The following NKAIN3 variants were observed in gnomAD, a reference collection of about 807,000 sequenced individuals.
NKAIN3 encodes the protein sodium/potassium transporting ATPase interacting 3, also known as sodium/potassium-transporting ATPase subunit beta-1-interacting protein 3.
NKAIN3 carries 25 observed loss-of-function variants against 30.2 expected under a neutral mutation model. That is an observed-to-expected ratio of 0.83 (90% CI 0.60 to 1.16). The LOEUF (loss-of-function observed/expected upper bound fraction) is 1.16. Ranked by LOEUF, NKAIN3 falls within the 50% of genes most tolerant of loss-of-function variation. The pLI is 0.00. For synonymous variants in NKAIN3, 91 were observed against 89.6 expected, an observed-to-expected ratio of 1.02 and a Z score of -0.09; for missense variants, 225 against 254.1, an observed-to-expected ratio of 0.89 and a Z score of 0.78.
At chr8:62,307,307 A>C (rs1253135119) in intron 1 of NKAIN3, among the ~76,000 whole-genome samples, 2 of 148,696 alleles carry the variant, frequency 1.3e-5, no homozygotes, top group African/African-American at 5.1e-5. Flanking sequence ...AATGGAAATC[A>C]AGCCAAAATT....
At chr8:62,848,291 T>C (rs1819754435) in intron 4 of NKAIN3, among the ~76,000 whole-genome samples, 1 of 152,236 alleles carries the variant, frequency 6.6e-6, no homozygotes, top group Non-Finnish European at 1.5e-5. Context: ...ACGATATTGA[T>C]TCTATCCACG....
Position 62,984,637 on chromosome 8 carries a change from T to C in NKAIN3, c.*19230T>C, listed in dbSNP as rs1488507750. 6.6e-6 allele frequency: 1 copy of C among 152,238 alleles called. No individual in the cohort carries two copies. The highest frequency in any genetic ancestry group is 1.5e-5 in the Non-Finnish European group (1 of 68,038). 9.4% of individuals were successfully genotyped at this position (152,238 alleles called of 1,614,324 possible). On this transcript the variant is annotated 3_prime_UTR_variant, in exon 7 of 7. Coordinates refer to ENST00000623646, the MANE Select transcript of NKAIN3 (RefSeq NM_001304533.3). ...GCCTATCAGGAGCTATCTTATATGA[T>C]GTTGGTAGCCTGTGAAAAAATAAAT...
intron 3 of NKAIN3, among the ~76,000 whole-genome samples, chr8:62,600,473 C>A (rs111614154): frequency 0.02 from 3,105 of 152,038 alleles, 103 homozygotes; most frequent in African/African-American, 0.071. Context: ...ACATTAGTAT[C>A]TTTATTTTAT....
At chr8:62,319,782 G>A (rs968109927) in intron 1 of NKAIN3, among the ~76,000 whole-genome samples, 4 of 152,198 alleles carry the variant, frequency 2.6e-5, no homozygotes, top group African/African-American at 9.7e-5. Context: ...TAAGTGCAGT[G>A]TGGTGCTGAG....
At chr8:62,429,986 C>T (rs546006775) in intron 1 of NKAIN3, among the ~76,000 whole-genome samples, 1 of 151,830 alleles carries the variant, frequency 6.6e-6, no homozygotes, top group Non-Finnish European at 1.5e-5. Flanking sequence ...ACCCATTGAA[C>T]ATTAACTTTC....
chr8:62,526,080 A>G (rs958228450), intron 1 of NKAIN3, among the ~76,000 whole-genome samples: 1 of 152,144 alleles, frequency 6.6e-6, no homozygotes, highest in Admixed American at 6.6e-5. Context: ...TTGATAATTT[A>G]CAGTGGAGCA....
chr8:62,446,592 T>G (rs1805492621), intron 1 of NKAIN3, among the ~76,000 whole-genome samples: 1 of 152,086 alleles, frequency 6.6e-6, no homozygotes, highest in African/African-American at 2.4e-5. Flanking sequence ...AAACTGAAAC[T>G]CTATGTCCAT....
intron 3 of NKAIN3, among the ~76,000 whole-genome samples, chr8:62,738,224 G>A (rs1198167030): frequency 6.6e-6 from 1 of 152,094 alleles, no homozygotes; most frequent in Non-Finnish European, 1.5e-5. Flanking sequence ...GGTGTGAGAT[G>A]GTATCTCATT....
intron 4 of NKAIN3, among the ~76,000 whole-genome samples, chr8:62,772,118 T>C (rs1817033198): frequency 6.6e-6 from 1 of 152,194 alleles, no homozygotes; most frequent in African/African-American, 2.4e-5. Flanking sequence ...ATAAATTCAA[T>C]TGTTTTAAAT....
intron 1 of NKAIN3, among the ~76,000 whole-genome samples, chr8:62,321,240 T>A (rs1814887804): frequency 6.6e-6 from 1 of 152,202 alleles, no homozygotes. Flanking sequence ...TCATCTAATT[T>A]TTTTTCAAAG....
intron 1 of NKAIN3, among the ~76,000 whole-genome samples, chr8:62,258,717 T>TTAAAAA (rs1270440437): frequency 2.0e-5 from 3 of 151,812 alleles, no homozygotes; most frequent in African/African-American, 4.8e-5. Flanking sequence ...AAATCATTCG[T>TTAAAAA]TAAAAATAAA....
At chr8:62,316,813 C>A (rs1257339703) in intron 1 of NKAIN3, among the ~76,000 whole-genome samples, 1 of 152,114 alleles carries the variant, frequency 6.6e-6, no homozygotes, top group Non-Finnish European at 1.5e-5. Flanking sequence ...ATGGCTGGGT[C>A]AAATGGTATT....
chr8:62,778,989 G>A (rs1185570045), intron 4 of NKAIN3, among the ~76,000 whole-genome samples: 2 of 152,040 alleles, frequency 1.3e-5, no homozygotes, highest in Admixed American at 6.6e-5. Flanking sequence ...GGCCCAGTGT[G>A]TCCAGAGATG....
intron 1 of NKAIN3, among the ~76,000 whole-genome samples, chr8:62,446,265 C>T (rs13265808): frequency 0.42 from 64,005 of 151,818 alleles, 15,328 homozygotes; most frequent in Non-Finnish European, 0.53. Context: ...TGATCAGACA[C>T]GATTATAACA....
chr8:62,769,384 C>T (rs1170152740), intron 4 of NKAIN3, among the ~76,000 whole-genome samples: 1 of 152,190 alleles, frequency 6.6e-6, no homozygotes, highest in Non-Finnish European at 1.5e-5. Context: ...ACTCTACAGC[C>T]TGTTCAAACA....
At chr8:62,943,497 C>A (rs1392987056) in intron 5 of NKAIN3, among the ~76,000 whole-genome samples, 1 of 151,772 alleles carries the variant, frequency 6.6e-6, no homozygotes, top group Admixed American at 6.6e-5. Context: ...CTTAAAGAAG[C>A]AAAAATAGAT....
chr8:62,473,684 C>T (rs544742377), intron 1 of NKAIN3, among the ~76,000 whole-genome samples: 2 of 152,206 alleles, frequency 1.3e-5, no homozygotes, highest in Admixed American at 6.5e-5. Flanking sequence ...TTTCTCTGAT[C>T]GTTTCTCCTG....
At chr8:62,958,536 G>T (rs1823486121) in intron 6 of NKAIN3, among the ~76,000 whole-genome samples, 1 of 152,124 alleles carries the variant, frequency 6.6e-6, no homozygotes, top group African/African-American at 2.4e-5. Context: ...GAACCCAGTG[G>T]TCAGCAGCAG....
intron 4 of NKAIN3, among the ~76,000 whole-genome samples, chr8:62,832,550 G>A (rs774695744): frequency 1.4e-5 from 2 of 147,016 alleles, no homozygotes; most frequent in Non-Finnish European, 2.9e-5. Flanking sequence ...TAAAAGGTTG[G>A]AGTAAACATT....
Sources: allele counts gnomAD v4.1 joint callset (sites outside exome capture counted in the v4.1 genomes callset), GRCh38; gene constraint gnomAD v4.1.1; transcripts MANE v1.5; gene names NCBI Gene and HGNC (gene_info 2026-07-23, HGNC 2026-07-21).